Variants in ERBB4 observed in about 807,000 individuals in gnomAD.
ERBB4 encodes the protein receptor tyrosine-protein kinase erbB-4.
A neutral mutation model predicts 158.0 loss-of-function variants in ERBB4; 42 were observed. The observed-to-expected ratio is 0.27, with a 90% CI of 0.21 to 0.34. The LOEUF (loss-of-function observed/expected upper bound fraction) is 0.34, where lower values mean the gene tolerates loss of function less well. Among genes scored for constraint, ERBB4 ranks in the 10% least tolerant of loss-of-function variants. The probability of loss-of-function intolerance (pLI) is 1.00; values close to 1 mark genes in which losing one functional copy is unlikely to be tolerated. For missense variants in ERBB4, 1,333 were observed against 1,624.1 expected (o/e 0.82, Z 3.08); for synonymous variants, 583 against 558.7 (o/e 1.04, Z -0.61).
At chr2:212,464,238 T>C (rs1688716364) in intron 1 of ERBB4, among the ~76,000 whole-genome samples, 1 of 152,178 alleles carries the variant, frequency 6.6e-6, no homozygotes, top group African/African-American at 2.4e-5. Flanking sequence ...TATTGTGTCA[T>C]ATTTTTAACT....
chr2:211,976,324 C>G (rs533598971), intron 2 of ERBB4, among the ~76,000 whole-genome samples: 10 of 152,288 alleles, frequency 6.6e-5, no homozygotes, highest in African/African-American at 2.4e-4. Context: ...TGTGTTTAAT[C>G]ACAGACTGCT....
chr2:211,969,883 C>T (rs1472838795), intron 2 of ERBB4, among the ~76,000 whole-genome samples: 1 of 151,906 alleles, frequency 6.6e-6, no homozygotes, highest in Middle Eastern at 3.2e-3. Context: ...TCATGTCTCT[C>T]TCCTCCAGTT....
intron 4 of ERBB4, among the ~76,000 whole-genome samples, chr2:211,772,838 CATAT>C (rs1278564933): frequency 0.22 from 4,074 of 18,252 alleles, 474 homozygotes; most frequent in South Asian, 0.46. Context: ...TATATATACA[CATAT>C]ATATATATAT....
chr2:211,983,455 A>G (rs2081858176), intron 2 of ERBB4, among the ~76,000 whole-genome samples: 2 of 152,322 alleles, frequency 1.3e-5, no homozygotes, highest in Non-Finnish European at 2.9e-5. Context: ...GTATAGCTAT[A>G]GAGTTTATTC....
chr2:212,196,543 G>A (rs1359874103), intron 1 of ERBB4, among the ~76,000 whole-genome samples: 4 of 152,012 alleles, frequency 2.6e-5, no homozygotes, highest in Non-Finnish European at 5.9e-5. Flanking sequence ...TCAAAGGTCA[G>A]CTGTAATTTA....
chr2:212,068,206 C>A (rs1180754758), intron 2 of ERBB4, among the ~76,000 whole-genome samples: 1 of 151,918 alleles, frequency 6.6e-6, no homozygotes, highest in Non-Finnish European at 1.5e-5. Context: ...TGGTCTCTGT[C>A]CAGCCAGAAC....
At chr2:212,145,091 G>A (rs1049872213) in intron 1 of ERBB4, among the ~76,000 whole-genome samples, 1 of 152,202 alleles carries the variant, frequency 6.6e-6, no homozygotes, top group African/African-American at 2.4e-5. Flanking sequence ...AACATTTGGA[G>A]TATTTCTAAC....
chr2:212,017,038 T>G (rs999135430), intron 2 of ERBB4, among the ~76,000 whole-genome samples: 1 of 152,100 alleles, frequency 6.6e-6, no homozygotes, highest in Non-Finnish European at 1.5e-5. Context: ...TAATTAAATA[T>G]GCAGCGTATT....
intron 20 of ERBB4, among the ~76,000 whole-genome samples, chr2:211,458,600 A>T (rs1014120760): frequency 2.0e-5 from 3 of 152,158 alleles, no homozygotes; most frequent in African/African-American, 7.2e-5. Flanking sequence ...TCTCCCTTCA[A>T]AAAACCTTTT....
At chr2:212,509,793 A>G (rs1248556745) in intron 1 of ERBB4, among the ~76,000 whole-genome samples, 1 of 151,996 alleles carries the variant, frequency 6.6e-6, no homozygotes, top group Non-Finnish European at 1.5e-5. Context: ...TATTAGATGT[A>G]TAAAAAGCTG....
At chr2:212,360,122 C>T (rs1371352584) in intron 1 of ERBB4, among the ~76,000 whole-genome samples, 1 of 151,582 alleles carries the variant, frequency 6.6e-6, no homozygotes, top group Non-Finnish European at 1.5e-5. Context: ...CCTCACTGTC[C>T]CTAACAAAGA....
intron 4 of ERBB4, among the ~76,000 whole-genome samples, chr2:211,770,451 G>C (rs1342318227): frequency 6.6e-6 from 1 of 152,206 alleles, no homozygotes; most frequent in Admixed American, 6.5e-5. Context: ...TATTCAAATT[G>C]CTTTGTCTTT....
At chr2:212,474,353 T>C (rs549011581) in intron 1 of ERBB4, among the ~76,000 whole-genome samples, 2 of 152,274 alleles carry the variant, frequency 1.3e-5, no homozygotes, top group African/African-American at 4.8e-5. Flanking sequence ...TTCTGGTTAC[T>C]GAAGTGACAC....
intron 1 of ERBB4, among the ~76,000 whole-genome samples, chr2:212,465,222 G>A (rs370390856): frequency 1.1e-4 from 16 of 152,130 alleles, no homozygotes; most frequent in Middle Eastern, 6.8e-3. Context: ...GACCTCCTAG[G>A]TCTTTTCCAT....
chr2:212,216,774 G>A (rs745478081), intron 1 of ERBB4, among the ~76,000 whole-genome samples: 15 of 151,218 alleles, frequency 9.9e-5, no homozygotes, highest in Non-Finnish European at 1.6e-4. Flanking sequence ...CATGTTGCCC[G>A]GGGCTCACTC....
At chr2:212,171,098 G>A (rs1020190764) in intron 1 of ERBB4, among the ~76,000 whole-genome samples, 1 of 152,086 alleles carries the variant, frequency 6.6e-6, no homozygotes, top group African/African-American at 2.4e-5. Flanking sequence ...CAGGAGAGGA[G>A]CTGCCCAATT....
chr2:212,185,034 C>CTTT (rs762121501), intron 1 of ERBB4, among the ~76,000 whole-genome samples: 1 of 132,572 alleles, frequency 7.5e-6, no homozygotes. Context: ...TTTTTTTTTT[C>CTTT]TTTTGAGACA....
At chr2:211,864,027 C>A (rs1167352363) in intron 3 of ERBB4, among the ~76,000 whole-genome samples, 1 of 152,140 alleles carries the variant, frequency 6.6e-6, no homozygotes, top group Non-Finnish European at 1.5e-5. Flanking sequence ...GTCCTGCTGG[C>A]AGTAGCAAGG....
intron 3 of ERBB4, among the ~76,000 whole-genome samples, chr2:211,906,396 G>A (rs530813027): frequency 1.3e-5 from 2 of 152,154 alleles, no homozygotes; most frequent in South Asian, 2.1e-4. Context: ...GAAATGGAAC[G>A]AACTATAGAG....
Sources: gnomAD v4.1 joint callset for allele counts (sites outside exome capture counted in the v4.1 genomes callset) on GRCh38, gnomAD v4.1.1 for gene constraint, MANE v1.5 for transcripts, NCBI Gene and HGNC (gene_info 2026-07-23, HGNC 2026-07-21) for gene names.